ATXN1: variants seen among roughly 807,000 people sequenced by gnomAD.
ATXN1 encodes ataxin-1.
In ATXN1, 8 loss-of-function variants were observed where a neutral mutation model predicts 56.4. That is an observed-to-expected ratio of 0.14 (90% CI 0.08 to 0.26). ATXN1 has a LOEUF of 0.26. Among genes scored for constraint, ATXN1 ranks in the 10% least tolerant of loss-of-function variants. The pLI is 1.00. For missense variants in ATXN1, 987 were observed against 1,106.5 expected, an observed-to-expected ratio of 0.89 and a Z score of 1.53; for synonymous variants, 514 against 494.6, an observed-to-expected ratio of 1.04 and a Z score of -0.52.
chr6:16,309,228 TAA>T (rs1265146744), intron 7 of ATXN1, among the ~76,000 whole-genome samples: 2 of 126,558 alleles, frequency 1.6e-5, no homozygotes, highest in Non-Finnish European at 1.7e-5. Flanking sequence ...ACTCTGTCTC[TAA>T]AAAAAAAAAA....
intron 5 of ATXN1, among the ~76,000 whole-genome samples, chr6:16,491,979 C>G (rs949168444): frequency 6.6e-6 from 1 of 151,968 alleles, no homozygotes; most frequent in Non-Finnish European, 1.5e-5. Context: ...CTTGGTCCTA[C>G]GACCACAAGA....
chr6:16,501,668 C>T (rs537195970), intron 5 of ATXN1, among the ~76,000 whole-genome samples: 2 of 152,130 alleles, frequency 1.3e-5, no homozygotes, highest in Non-Finnish European at 2.9e-5. Context: ...TTTTTTATGG[C>T]TGCATAGTAT....
chr6:16,500,279 GATTA>G (rs1466281436), intron 5 of ATXN1, among the ~76,000 whole-genome samples: 3 of 152,172 alleles, frequency 2.0e-5, no homozygotes, highest in African/African-American at 4.8e-5. Context: ...AACTCTGAGA[GATTA>G]ATTAAGCGAC....
At chr6:16,625,283 A>G (rs888977475) in intron 3 of ATXN1, among the ~76,000 whole-genome samples, 1 of 152,254 alleles carries the variant, frequency 6.6e-6, no homozygotes, top group Non-Finnish European at 1.5e-5. Context: ...TAGGCCCACT[A>G]GGGATACACT....
intron 2 of ATXN1, among the ~76,000 whole-genome samples, chr6:16,730,085 C>A (rs939822270): frequency 6.6e-6 from 1 of 152,164 alleles, no homozygotes; most frequent in Admixed American, 6.5e-5. Context: ...GAGTTCAAGA[C>A]CAGCCTGACC....
intron 3 of ATXN1, among the ~76,000 whole-genome samples, chr6:16,640,468 G>C (rs1397979922): frequency 1.3e-5 from 2 of 152,158 alleles, no homozygotes; most frequent in Non-Finnish European, 1.5e-5. Flanking sequence ...CAGATCACGA[G>C]TTCAGGAGAT....
chr6:16,476,870 C>T (rs1330718845), intron 6 of ATXN1, among the ~76,000 whole-genome samples: 1 of 152,186 alleles, frequency 6.6e-6, no homozygotes, highest in East Asian at 1.9e-4. Context: ...GTTGAGTATA[C>T]AAAACGTGCT....
At chr6:16,445,885 G>A (rs1759624659) in intron 6 of ATXN1, among the ~76,000 whole-genome samples, 3 of 150,902 alleles carry the variant, frequency 2.0e-5, no homozygotes, top group Non-Finnish European at 4.4e-5. Context: ...AGTATTCCAT[G>A]GTGTATATGT....
In ATXN1 at chr6:16,761,065, TACACACACAC is replaced by T. The variant is rs3831007; in HGVS notation, c.-730+223_-730+232del. The T allele has an allele frequency of 5.6e-5, 18 of 324,010 alleles. 1 individual carries two copies. Among genetic ancestry groups the T allele is most frequent in the African/African-American group, 2.2e-4 (10 of 44,926 alleles). 20.1% of individuals were successfully genotyped at this position (324,010 alleles called of 1,614,324 possible). ...CCGGGGACGGTTGTATGTACACACA[TACACACACAC>T]ACACACACACACGCACACACACAGA... is the stretch of plus-strand genomic sequence containing the variant. On this transcript the variant is annotated intron_variant, in intron 1 of 7. Transcript: ENST00000436367.
intron 2 of ATXN1, among the ~76,000 whole-genome samples, chr6:16,668,931 T>C (rs761080167): frequency 5.3e-5 from 8 of 152,074 alleles, no homozygotes; most frequent in Non-Finnish European, 1.0e-4. Context: ...ATATTATTAT[T>C]TGGATGACAG....
intron 2 of ATXN1, among the ~76,000 whole-genome samples, chr6:16,681,740 A>AT (rs1326698471): frequency 6.6e-6 from 1 of 152,232 alleles, no homozygotes; most frequent in African/African-American, 2.4e-5. Flanking sequence ...ATTGCACAGT[A>AT]AACTAGAGTA....
chr6:16,490,403 C>T (rs980697700), intron 5 of ATXN1, among the ~76,000 whole-genome samples: 2 of 152,164 alleles, frequency 1.3e-5, no homozygotes, highest in Non-Finnish European at 2.9e-5. Flanking sequence ...AAATGGCTGT[C>T]CTCTCTCTTC....
chr6:16,560,546 A>G (rs1379023954), intron 4 of ATXN1, among the ~76,000 whole-genome samples: 1 of 152,222 alleles, frequency 6.6e-6, no homozygotes. Flanking sequence ...AGAGAAGACT[A>G]GAATTGGTCT....
chr6:16,379,291 A>C (rs546089537), intron 6 of ATXN1, among the ~76,000 whole-genome samples: 1 of 152,274 alleles, frequency 6.6e-6, no homozygotes, highest in Non-Finnish European at 1.5e-5. Context: ...GGGATAAAAG[A>C]CTGCAAATAT....
chr6:16,520,933 C>A (rs937851268), intron 5 of ATXN1, among the ~76,000 whole-genome samples: 1 of 152,096 alleles, frequency 6.6e-6, no homozygotes, highest in African/African-American at 2.4e-5. Context: ...GATCAAGTTC[C>A]GCAATAATGA....
At chr6:16,472,335 T>C (rs1561909202) in intron 6 of ATXN1, among the ~76,000 whole-genome samples, 1 of 152,210 alleles carries the variant, frequency 6.6e-6, no homozygotes. Flanking sequence ...AAACATGGAA[T>C]TGGGTATCTC....
chr6:16,563,117 G>C (rs900830487), intron 4 of ATXN1, among the ~76,000 whole-genome samples: 1 of 152,108 alleles, frequency 6.6e-6, no homozygotes, highest in Non-Finnish European at 1.5e-5. Context: ...GGGAAAAAGA[G>C]AGTAGAAGGA....
chr6:16,753,994 A>C (rs941125598), intron 1 of ATXN1: 1 of 152,320 alleles, frequency 6.6e-6, no homozygotes, highest in African/African-American at 2.4e-5. Flanking sequence ...GAATGAGTGA[A>C]TGTGTGAATG....
At position 16,301,247 on chromosome 6, in the gene ATXN1, A is replaced by G. The variant is rs1760089118; in HGVS notation, c.*5082T>C. On this transcript the variant is annotated 3_prime_UTR_variant, in exon 8 of 8. Coordinates refer to ENST00000436367, the MANE Select transcript of ATXN1 (RefSeq NM_001128164.2). ...AGTGCTTCAAAATTTTGTTTTCTTC[A>G]GCTTCTCAAATCAGGTGTACATTTA... 6.6e-6 allele frequency: 1 copy of G among 152,598 alleles called. No individual in the cohort carries two copies. Among genetic ancestry groups the G allele is most frequent in the Admixed American group, 6.5e-5 (1 of 15,270 alleles). 9.5% of individuals were successfully genotyped at this position (152,598 alleles called of 1,614,324 possible). A position where few individuals can be genotyped will look rare whatever the true frequency, so the allele number is the denominator to read the frequency against.
Sources: gnomAD v4.1 joint callset for allele counts (sites outside exome capture counted in the v4.1 genomes callset) on GRCh38, gnomAD v4.1.1 for gene constraint, MANE v1.5 for transcripts, NCBI Gene and HGNC (gene_info 2026-07-23, HGNC 2026-07-21) for gene names.